Variants in SH3BP5 observed in about 807,000 individuals in gnomAD.
SH3BP5 encodes SH3 domain-binding protein 5.
SH3BP5 carries 22 observed loss-of-function variants against 43.3 expected under a neutral mutation model. The observed-to-expected ratio is 0.51, with a 90% CI of 0.36 to 0.73. The LOEUF is 0.73. Ranked by LOEUF, SH3BP5 falls within the 30% of genes least tolerant of loss-of-function variation. The pLI is 0.00. For synonymous variants in SH3BP5, 255 were observed against 225.8 expected (o/e 1.13, Z -1.16); for missense variants, 529 against 586.9 (o/e 0.90, Z 1.02).
rs1357092993 is a variant in SH3BP5, at chr3:15,262,201, C to A, written c.584G>T (p.Arg195Leu). The change falls in exon 5 of 9, where the codon CGA (arginine) becomes CTA (leucine). Residue 195 changes from arginine to leucine, a missense_variant. By Grantham distance (102) the Arg-to-Leu change is moderately radical. Coordinates refer to ENST00000383791, the MANE Select transcript of SH3BP5 (RefSeq NM_004844.5). ...TCTCTTGAGTTTCTTCTCCAGCTGT[C>A]GCATGCGGCCCATGGCGGCATTGTA... ...ARYNAAMGRM[R>L]QLEKKLKRAI... 1 of 1,614,056 alleles carries A rather than the reference C, an allele frequency of 6.2e-7. No homozygotes were observed. The highest frequency in any genetic ancestry group is 8.5e-7 in the Non-Finnish European group (1 of 1,180,044).
intron 2 of SH3BP5, among the ~76,000 whole-genome samples, chr3:15,309,906 AC>A (rs67572916): frequency 0.058 from 7,240 of 125,878 alleles, 405 homozygotes; most frequent in African/African-American, 0.17. Context: ...TCCCCGCTCC[AC>A]CCCCCCCCCA....
At chr3:15,293,209 C>T (rs1377466141) in intron 3 of SH3BP5, among the ~76,000 whole-genome samples, 2 of 152,262 alleles carry the variant, frequency 1.3e-5, no homozygotes, top group African/African-American at 2.4e-5. Flanking sequence ...TGTCATTCCA[C>T]TACGTGCCCT....
At chr3:15,332,966 C>T, upstream of SH3BP5, 1 of 524,264 alleles carries the variant, frequency 1.9e-6, no homozygotes, top group Non-Finnish European at 2.4e-6. Context: ...ATACCCAAAG[C>T]ACACTCATCC....
chr3:15,272,297 C>T (rs995145567), intron 3 of SH3BP5, among the ~76,000 whole-genome samples: 7 of 152,252 alleles, frequency 4.6e-5, no homozygotes, highest in African/African-American at 7.2e-5. Flanking sequence ...GATGGAGACC[C>T]GAACCAAGCA....
intron 3 of SH3BP5, among the ~76,000 whole-genome samples, chr3:15,278,257 T>C (rs886750344): frequency 3.3e-5 from 5 of 152,216 alleles, no homozygotes; most frequent in African/African-American, 1.2e-4. Flanking sequence ...ATCAGAGGCC[T>C]TTCCAACCCA....
intron 3 of SH3BP5, among the ~76,000 whole-genome samples, chr3:15,277,911 T>C (rs1015198541): frequency 2.0e-5 from 3 of 152,126 alleles, no homozygotes; most frequent in African/African-American, 7.2e-5. Context: ...TGCCCCACTT[T>C]CTTCTAGAGA....
chr3:15,311,100 A>T lies in SH3BP5; in HGVS notation c.202-6869T>A, dbSNP rs112867373. Among the ~76,000 whole-genome samples the T allele has an allele frequency of 1.9e-4, 29 of 152,324 alleles. 1 individual carries two copies. Among genetic ancestry groups the T allele is most frequent in the African/African-American group, 6.7e-4 (28 of 41,558 alleles). On this transcript the variant is annotated intron_variant, in intron 2 of 8. Coordinates refer to ENST00000383791, the MANE Select transcript of SH3BP5 (RefSeq NM_004844.5). ...AAGATGGGATGGTGATGTTTTAAAA[A>T]TAACTGTCCTACATGTTAGAGACGA...
At chr3:15,320,642 C>CACACACACACACACACACACACACT (rs1553619765) in intron 2 of SH3BP5, among the ~76,000 whole-genome samples, 1 of 25,768 alleles carries the variant, frequency 3.9e-5, no homozygotes, top group African/African-American at 1.4e-4. Context: ...ACACACACAC[C>CACACACACACACACACACACACACT]CCACTACGTT....
At chr3:15,326,814 T>C (rs933656042) in intron 2 of SH3BP5, among the ~76,000 whole-genome samples, 1 of 152,208 alleles carries the variant, frequency 6.6e-6, no homozygotes, top group African/African-American at 2.4e-5. Flanking sequence ...TGCTGTCTAG[T>C]GAGCTTTCCT....
intron 3 of SH3BP5, among the ~76,000 whole-genome samples, chr3:15,302,303 C>T (rs557601803): frequency 6.6e-5 from 10 of 152,192 alleles, no homozygotes; most frequent in East Asian, 1.9e-4. Flanking sequence ...TTTCTTCTCC[C>T]GGGAATTCTA....
At chr3:15,284,081 C>G (rs1319465786) in intron 3 of SH3BP5, among the ~76,000 whole-genome samples, 1 of 152,138 alleles carries the variant, frequency 6.6e-6, no homozygotes, top group Non-Finnish European at 1.5e-5. Context: ...TATTATCCCC[C>G]CTCTCCAGTG....
intron 3 of SH3BP5, among the ~76,000 whole-genome samples, chr3:15,281,867 G>A (rs576820975): frequency 1.3e-5 from 2 of 152,086 alleles, no homozygotes; most frequent in East Asian, 1.9e-4. Flanking sequence ...AGCCGGGCGC[G>A]GTGGTGCATG....
intron 1 of SH3BP5, among the ~76,000 whole-genome samples, chr3:15,338,526 C>A (rs1698728294): frequency 6.6e-6 from 1 of 152,112 alleles, no homozygotes; most frequent in Non-Finnish European, 1.5e-5. Flanking sequence ...CACTTTAGGT[C>A]AGAGGCTGCA....
intron 3 of SH3BP5, among the ~76,000 whole-genome samples, chr3:15,290,400 TC>T (rs1447202392): frequency 6.6e-6 from 1 of 151,498 alleles, no homozygotes; most frequent in Non-Finnish European, 1.5e-5. Flanking sequence ...GTGGCTCACG[TC>T]TGTAATCCCA....
intron 3 of SH3BP5, among the ~76,000 whole-genome samples, chr3:15,292,296 C>T (rs1025889119): frequency 1.1e-4 from 16 of 152,206 alleles, no homozygotes; most frequent in South Asian, 2.1e-4. Context: ...TGACAAACCA[C>T]ACCTGTTAGC....
At chr3:15,334,558 C>A (rs1698678664), upstream of SH3BP5, among the ~76,000 whole-genome samples, 1 of 148,280 alleles carries the variant, frequency 6.7e-6, no homozygotes, top group Non-Finnish European at 1.5e-5. Flanking sequence ...GCGAGACTGC[C>A]TTGCTCTCTA....
chr3:15,327,325 G>C (rs535996218), intron 2 of SH3BP5, among the ~76,000 whole-genome samples: 1 of 152,106 alleles, frequency 6.6e-6, no homozygotes, highest in African/African-American at 2.4e-5. Context: ...GCTTGAACCC[G>C]GGAGGCAGAG....
intron 3 of SH3BP5, among the ~76,000 whole-genome samples, chr3:15,290,821 C>T (rs543096558): frequency 6.6e-6 from 1 of 152,256 alleles, no homozygotes; most frequent in Non-Finnish European, 1.5e-5. Context: ...GGTAAACTCC[C>T]CCCATGCCCA....
At chr3:15,341,190 C>CA (rs1355221518) in intron 1 of SH3BP5, 24 of 152,578 alleles carry the variant, frequency 1.6e-4, no homozygotes, top group African/African-American at 5.8e-4. Context: ...CCACATCTCA[C>CA]ACCTCCTCTC....
Sources: gnomAD v4.1 joint callset for allele counts (sites outside exome capture counted in the v4.1 genomes callset) on GRCh38, gnomAD v4.1.1 for gene constraint, MANE v1.5 for transcripts, NCBI Gene and HGNC (gene_info 2026-07-23, HGNC 2026-07-21) for gene names.